PTPRQ: variants seen among roughly 807,000 people sequenced by gnomAD.
PTPRQ encodes phosphatidylinositol phosphatase PTPRQ.
PTPRQ carries 199 observed loss-of-function variants against 246.0 expected under a neutral mutation model. The ratio of observed to expected loss-of-function variants is 0.81; its 90% CI spans 0.72 to 0.91. PTPRQ has a LOEUF of 0.91. Among genes scored for constraint, PTPRQ ranks in the 40% least tolerant of loss-of-function variants. The pLI is 0.00. For synonymous variants in PTPRQ, 869 were observed against 853.2 expected (o/e 1.02, Z -0.32); for missense variants, 2,624 against 2,528.4 (o/e 1.04, Z -0.81).
chr12:80,455,032 G>T (rs1221010897), intron 3 of PTPRQ, among the ~76,000 whole-genome samples: 2 of 152,208 alleles, frequency 1.3e-5, no homozygotes, highest in East Asian at 3.9e-4. Flanking sequence ...AATTAGCTGG[G>T]CATGGTGGCG....
intron 17 of PTPRQ, among the ~76,000 whole-genome samples, chr12:80,533,256 T>C (rs1305660325): frequency 6.6e-6 from 1 of 152,024 alleles, no homozygotes. Flanking sequence ...CTGTGGAAAC[T>C]GAACTAACAT....
chr12:80,477,862 C>A (rs1368899810), intron 8 of PTPRQ, among the ~76,000 whole-genome samples: 1 of 152,254 alleles, frequency 6.6e-6, no homozygotes, highest in African/African-American at 2.4e-5. Flanking sequence ...TATCCCACAC[C>A]TGGCTCGGAG....
At chr12:80,520,867 T>C (rs1248939127) in intron 17 of PTPRQ, among the ~76,000 whole-genome samples, 1 of 152,016 alleles carries the variant, frequency 6.6e-6, no homozygotes, top group African/African-American at 2.4e-5. Context: ...ATCCTTTGGG[T>C]ATATATCCAG....
intron 8 of PTPRQ, among the ~76,000 whole-genome samples, chr12:80,474,008 C>T (rs1893735671): frequency 1.3e-5 from 2 of 152,300 alleles, no homozygotes; most frequent in South Asian, 2.1e-4. Flanking sequence ...CAGCCTTCAT[C>T]CATGGAGTTC....
rs769654922 is a variant in PTPRQ at position 80,445,570 on chromosome 12, T to C, written c.243T>C (p.Asn81=). ...GILLSWNTPP[N]PNGRIISYIV... ...TTCTGTCTTGGAATACACCACCTAA[T>C]CCAAATGGAAGGATTATATCTTACA... is the stretch of plus-strand genomic sequence containing the variant. The change falls in exon 3 of 45, where the codon AAT becomes AAC. Residue 81 remains asparagine (N), a synonymous_variant. Coordinates refer to ENST00000644991, the MANE Select transcript of PTPRQ (RefSeq NM_001145026.2). 19 of 1,549,860 alleles carry C rather than the reference T, an allele frequency of 1.2e-5. No individual in the cohort carries two copies. The highest frequency in any genetic ancestry group is 1.4e-5 in the Non-Finnish European group (16 of 1,145,846).
chr12:80,604,872 A>T (rs1431430525), intron 26 of PTPRQ, among the ~76,000 whole-genome samples, 187 bp from the exon 27 acceptor site: 2 of 151,512 alleles, frequency 1.3e-5, no homozygotes, highest in African/African-American at 4.8e-5. Flanking sequence ...GTTCATCTAG[A>T]GTAACTAATT....
chr12:80,578,053 T>C (rs1372678174), intron 25 of PTPRQ, among the ~76,000 whole-genome samples: 1 of 152,124 alleles, frequency 6.6e-6, no homozygotes, highest in Non-Finnish European at 1.5e-5. Context: ...GGAAATTTTT[T>C]TTTTTGGATT....
chr12:80,670,462 A>G lies in PTPRQ; in HGVS notation c.6572A>G (p.His2191Arg). Residue 2191 changes from histidine to arginine, a missense_variant, in exon 42 of 45, where the codon CAT (histidine) becomes CGT (arginine). Physicochemically the swap from His to Arg is conservative, Grantham distance 29. Transcript: ENST00000644991. ...FVKLVRASRA[H>R]DTTPMIVHCS... ...AAGTTGGTTCGAGCAAGCAGGGCAC[A>G]TGACACCACACCTATGATTGTTCAC... The G allele has an allele frequency of 6.4e-7, 1 of 1,551,154 alleles. No individual in the cohort carries two copies. Among genetic ancestry groups the G allele is most frequent in the Non-Finnish European group, 8.7e-7 (1 of 1,146,504 alleles).
At chr12:80,551,944 A>C (rs566732117) in intron 25 of PTPRQ, among the ~76,000 whole-genome samples, 1 of 152,042 alleles carries the variant, frequency 6.6e-6, no homozygotes, top group South Asian at 2.1e-4. Context: ...TAACTGTATT[A>C]TTATTTTCCC....
intron 10 of PTPRQ, among the ~76,000 whole-genome samples, chr12:80,494,705 T>C (rs1333470265): frequency 1.3e-5 from 2 of 151,924 alleles, no homozygotes; most frequent in African/African-American, 4.8e-5. Flanking sequence ...ATGTTTGTGG[T>C]TATTATTGGG....
At chr12:80,547,855 C>G (rs1382936273) in intron 24 of PTPRQ, among the ~76,000 whole-genome samples, 1 of 152,032 alleles carries the variant, frequency 6.6e-6, no homozygotes, top group Non-Finnish European at 1.5e-5. Flanking sequence ...TAAATGACCC[C>G]TGAATATTAC....
Position 80,472,132 on chromosome 12 carries a change from A to T in PTPRQ, c.1067A>T (p.Asp356Val). 1.3e-6 allele frequency: 2 copies of T among 1,551,408 alleles called. No homozygotes were observed. Among genetic ancestry groups the T allele is most frequent in the Admixed American group, 2.0e-5 (1 of 50,934 alleles). Residue 356 changes from aspartate (D) to valine (V), a missense_variant, in exon 8 of 45, where the codon GAC (aspartate) becomes GTC (valine). Physicochemically the swap from Asp to Val is radical, Grantham distance 152. Coordinates refer to ENST00000644991, the MANE Select transcript of PTPRQ (RefSeq NM_001145026.2). ...CGCATTTTGGATAACAGCACAAAAG[A>T]CCTCAAGTTTGCATTCACTAACCTA... Reference protein sequence around the residue: ...SGRILDNSTKDLKFAFTNLTP... With the variant: ...SGRILDNSTKVLKFAFTNLTP...
chr12:80,592,236 T>C (rs1299229730), intron 26 of PTPRQ, among the ~76,000 whole-genome samples: 1 of 152,200 alleles, frequency 6.6e-6, no homozygotes, highest in Non-Finnish European at 1.5e-5. Flanking sequence ...TCAAAACTCA[T>C]AGCTTTTCAA....
chr12:80,549,795 T>A, intron 25 of PTPRQ, 61 bp downstream of exon 25: 2 of 1,474,390 alleles, frequency 1.4e-6, no homozygotes, highest in South Asian at 2.9e-5. Flanking sequence ...ATTGTGTCAA[T>A]ACCACCTGCA....
intron 35 of PTPRQ, among the ~76,000 whole-genome samples, chr12:80,645,639 A>G (rs915134475): frequency 6.6e-5 from 10 of 151,944 alleles, no homozygotes; most frequent in Non-Finnish European, 1.5e-4. Context: ...ATAATACAAC[A>G]TAGAAGATGA....
In PTPRQ at chr12:80,485,685, A is replaced by G. The variant is rs1193736816; in HGVS notation, c.1359+1080A>G. On this transcript the variant is annotated intron_variant, in intron 9 of 44. Coordinates refer to ENST00000644991, the MANE Select transcript of PTPRQ (RefSeq NM_001145026.2). Reference sequence around the variant, plus strand: ...TCCTCTGTGCAAAAGATGTTGAATTATGCTTTCTGTGATACTCTGGTTGAC... The same window carrying G: ...TCCTCTGTGCAAAAGATGTTGAATTGTGCTTTCTGTGATACTCTGGTTGAC... 2.6e-5 allele frequency among the ~76,000 whole-genome samples: 4 copies of G among 152,112 alleles called. No homozygotes were observed. The East Asian group carries it at 7.7e-4, about 29-fold the overall frequency.
At chr12:80,638,922 T>C (rs1899756148) in intron 35 of PTPRQ, among the ~76,000 whole-genome samples, 1 of 152,248 alleles carries the variant, frequency 6.6e-6, no homozygotes, top group Non-Finnish European at 1.5e-5. Context: ...TGGGCTCATC[T>C]GTTTCACACT....
At chr12:80,537,634 G>A (rs1260645560) in intron 19 of PTPRQ, among the ~76,000 whole-genome samples, 2 of 152,128 alleles carry the variant, frequency 1.3e-5, no homozygotes, top group Non-Finnish European at 2.9e-5. Flanking sequence ...ATGTAGCGAA[G>A]CCATCTTTCC....
chr12:80,556,967 C>A (rs1896664343), intron 25 of PTPRQ, among the ~76,000 whole-genome samples: 1 of 151,966 alleles, frequency 6.6e-6, no homozygotes, highest in African/African-American at 2.4e-5. Context: ...TGTGACTGTC[C>A]CAGAAGTTTG....
Sources: allele counts gnomAD v4.1 joint callset (sites outside exome capture counted in the v4.1 genomes callset), GRCh38; gene constraint gnomAD v4.1.1; transcripts MANE v1.5; gene names NCBI Gene and HGNC (gene_info 2026-07-23, HGNC 2026-07-21).